Variants in PNPLA1 observed in about 807,000 individuals in gnomAD.
PNPLA1 encodes the protein omega-hydroxyceramide transacylase.
Under a neutral mutation model 51.7 loss-of-function variants are expected in PNPLA1, and 36 were observed. The ratio of observed to expected loss-of-function variants is 0.70; its 90% CI spans 0.53 to 0.92. The LOEUF (loss-of-function observed/expected upper bound fraction) is 0.92, where lower values mean the gene tolerates loss of function less well. Among genes scored for constraint, PNPLA1 ranks in the 40% least tolerant of loss-of-function variants. The probability of loss-of-function intolerance (pLI) is 0.00; values close to 1 mark genes in which losing one functional copy is unlikely to be tolerated. For missense variants in PNPLA1, 658 were observed against 682.5 expected (o/e 0.96, Z 0.40); for synonymous variants, 293 against 280.1 (o/e 1.05, Z -0.46).
At chr6:36,269,196 T>C (rs1561852931), upstream of PNPLA1, among the ~76,000 whole-genome samples, 1 of 152,194 alleles carries the variant, frequency 6.6e-6, no homozygotes, top group Non-Finnish European at 1.5e-5. Context: ...GATTGGCACT[T>C]GGTGGAGGCC....
At position 36,278,913 on chromosome 6, in the gene PNPLA1, T is replaced by C. The variant is rs140033359; in HGVS notation, c.205+8249T>C. Among the ~76,000 whole-genome samples the C allele has an allele frequency of 4.6e-5, 7 of 152,172 alleles. No homozygotes were observed. The East Asian group carries it at 1.4e-3, about 29-fold the overall frequency. On this transcript the variant is annotated intron_variant, in intron 1 of 8. Coordinates refer to ENST00000636260, the MANE Select transcript of PNPLA1 (RefSeq NM_001374623.1). ...ATTAAACCATAGAAAATTAAGCATATAAAAAAGGTCAGCATGCGTGCTCAA... is the reference window on the plus strand; with the variant it reads ...ATTAAACCATAGAAAATTAAGCATACAAAAAAGGTCAGCATGCGTGCTCAA...
intron 1 of PNPLA1, among the ~76,000 whole-genome samples, chr6:36,278,354 A>G (rs918511996): frequency 5.9e-5 from 9 of 152,206 alleles, no homozygotes; most frequent in Non-Finnish European, 1.3e-4. Context: ...TCTGTATTTT[A>G]TAGTTTCCCT....
At chr6:36,262,212 C>A (rs1228460071) in intron 1 of PNPLA1, among the ~76,000 whole-genome samples, 1 of 152,130 alleles carries the variant, frequency 6.6e-6, no homozygotes, top group Non-Finnish European at 1.5e-5. Flanking sequence ...GTCCCACCTT[C>A]AATCCACTTT....
chr6:36,307,612 T>G lies in PNPLA1; in HGVS notation c.1495T>G (p.Trp499Gly). 19 of 1,613,622 alleles carry G rather than the reference T, an allele frequency of 1.2e-5. No individual in the cohort carries two copies. The highest frequency in any genetic ancestry group is 1.6e-5 in the Non-Finnish European group (19 of 1,179,878). Residue 499 changes from tryptophan to glycine, a missense_variant, in exon 8 of 9, where the codon TGG (tryptophan) becomes GGG (glycine). Transcript: ENST00000636260. ...VTESPAEDSN[W>G]VNKVFKKNKQ... ...GGAGAGCCCTGCTGAAGACTCAAACTGGGTGAATAAGGTCTTCAAGAAGAA... is the reference window on the plus strand; with the variant it reads ...GGAGAGCCCTGCTGAAGACTCAAACGGGGTGAATAAGGTCTTCAAGAAGAA...
intron 6 of PNPLA1, among the ~76,000 whole-genome samples, chr6:36,305,768 C>CTTTTTTTT (rs72063246): frequency 1.1e-4 from 11 of 96,568 alleles, no homozygotes; most frequent in Non-Finnish European, 1.6e-4. Context: ...TTACTTTTCT[C>CTTTTTTTT]TTTTTTTTTT....
chr6:36,288,081 A>T (rs1213921352), intron 1 of PNPLA1, among the ~76,000 whole-genome samples: 1 of 152,224 alleles, frequency 6.6e-6, no homozygotes, highest in Non-Finnish European at 1.5e-5. Flanking sequence ...AATATACTAA[A>T]GCCACCATTA....
At chr6:36,309,119 A>C (rs1025049529) in intron 8 of PNPLA1, among the ~76,000 whole-genome samples, 4 of 152,194 alleles carry the variant, frequency 2.6e-5, no homozygotes, top group Non-Finnish European at 5.9e-5. Flanking sequence ...TCAGAGGCTC[A>C]CCCGGCGGCC....
At position 36,293,095 on chromosome 6, in the gene PNPLA1, G is replaced by A; in HGVS notation, c.473G>A (p.Cys158Tyr). Residue 158 changes from cysteine to tyrosine, a missense_variant, in exon 3 of 9, where the codon TGT becomes TAT. Transcript: ENST00000636260. ...TGCAGCTGCTTCGTCCCGGTGTACT[G>A]TGGCCTCATCCCCCCGACTTACCGC... ...LYCSCFVPVY[C>Y]GLIPPTYRGV... 1.2e-6 allele frequency: 2 copies of A among 1,614,084 alleles called. No individual in the cohort carries two copies. Among genetic ancestry groups the A allele is most frequent in the African/African-American group, 1.3e-5 (1 of 75,020 alleles).
intron 1 of PNPLA1, among the ~76,000 whole-genome samples, chr6:36,254,720 A>C (rs1271799279): frequency 6.6e-6 from 1 of 152,098 alleles, no homozygotes; most frequent in Non-Finnish European, 1.5e-5. Context: ...CATTGGGTCT[A>C]CTTAACTCTG....
chr6:36,292,040 T>G (rs1413139323), intron 2 of PNPLA1, among the ~76,000 whole-genome samples: 3 of 152,178 alleles, frequency 2.0e-5, no homozygotes, highest in Non-Finnish European at 4.4e-5. Context: ...TGCACGCTAA[T>G]CCTGAGTGCG....
chr6:36,284,827 G>T (rs905109657), intron 1 of PNPLA1, among the ~76,000 whole-genome samples: 1 of 152,140 alleles, frequency 6.6e-6, no homozygotes, highest in Non-Finnish European at 1.5e-5. Flanking sequence ...TATATATTGG[G>T]TTTCTACTTA....
At chr6:36,260,231 A>C (rs1769617802) in intron 1 of PNPLA1, among the ~76,000 whole-genome samples, 2 of 152,088 alleles carry the variant, frequency 1.3e-5, no homozygotes, top group East Asian at 3.9e-4. Flanking sequence ...TTAAGGCTGC[A>C]GTGAGCTATG....
rs1395887984 is a variant in PNPLA1 at position 36,294,620 on chromosome 6, A to G, written c.714+221A>G. On this transcript the variant is annotated intron_variant, in intron 4 of 8. Coordinates refer to ENST00000636260, the MANE Select transcript of PNPLA1 (RefSeq NM_001374623.1). The surrounding 1 kb of genome is among the most constrained non-coding windows in gnomAD (Gnocchi z 4.2). ...CCAGCTTCAACATTCTCCCCGGTAA[A>G]GCGAGATGATGCCAGAAGTGCTGAT... 2.0e-5 allele frequency among the ~76,000 whole-genome samples: 3 copies of G among 152,202 alleles called. No individual in the cohort carries two copies. Among genetic ancestry groups the G allele is most frequent in the Non-Finnish European group, 4.4e-5 (3 of 68,032 alleles).
chr6:36,277,470 T>C (rs895717075), intron 1 of PNPLA1, among the ~76,000 whole-genome samples: 3 of 152,208 alleles, frequency 2.0e-5, no homozygotes, highest in Non-Finnish European at 2.9e-5. Context: ...AGAATGGGTA[T>C]TGGGGACAAC....
intron 1 of PNPLA1, among the ~76,000 whole-genome samples, chr6:36,249,157 G>A (rs1042980236): frequency 6.6e-6 from 1 of 152,204 alleles, no homozygotes; most frequent in South Asian, 2.1e-4. Context: ...TGTTACACAG[G>A]ACATGAGTAA....
intron 1 of PNPLA1, among the ~76,000 whole-genome samples, chr6:36,289,988 C>T (rs1479733278): frequency 1.3e-5 from 2 of 152,046 alleles, no homozygotes; most frequent in African/African-American, 2.4e-5. Flanking sequence ...GATTACTTCC[C>T]GGATATATTG....
intron 1 of PNPLA1, among the ~76,000 whole-genome samples, chr6:36,279,745 A>C (rs1322207790): frequency 6.6e-6 from 1 of 152,232 alleles, no homozygotes; most frequent in Non-Finnish European, 1.5e-5. Context: ...TCATGGATGC[A>C]TTCCTGGCCC....
intron 1 of PNPLA1, among the ~76,000 whole-genome samples, chr6:36,252,038 A>G (rs1769430983): frequency 6.6e-6 from 1 of 152,240 alleles, no homozygotes; most frequent in South Asian, 2.1e-4. Context: ...TCAGGAATGA[A>G]GCAAAGGGGT....
intron 5 of PNPLA1, among the ~76,000 whole-genome samples, chr6:36,298,769 C>T (rs185969065): frequency 1.2e-4 from 18 of 152,312 alleles, no homozygotes; most frequent in Non-Finnish European, 1.9e-4. Context: ...GACGGAGTCT[C>T]GCTCTGTTGT....
Sources: allele counts gnomAD v4.1 joint callset (sites outside exome capture counted in the v4.1 genomes callset), GRCh38; gene constraint gnomAD v4.1.1; non-coding constraint Gnocchi (gnomAD v3.1); transcripts MANE v1.5; gene names NCBI Gene and HGNC (gene_info 2026-07-23, HGNC 2026-07-21).